The following ATG9B variants were observed in gnomAD, a reference collection of about 807,000 sequenced individuals.
ATG9B encodes the protein autophagy-related protein 9B.
In ATG9B, 92 loss-of-function variants were observed where a neutral mutation model predicts 92.9. The observed-to-expected ratio is 0.99, with a 90% CI of 0.84 to 1.18. ATG9B has a LOEUF of 1.18. Among genes scored for constraint, ATG9B ranks in the 50% most tolerant of loss-of-function variants. ATG9B has a pLI of 0.00. For missense variants in ATG9B, 1,344 were observed against 1,235.0 expected (o/e 1.09, Z -1.32); for synonymous variants, 599 against 551.4 (o/e 1.09, Z -1.21).
rs745357208 is a variant in ATG9B, at chr7:151,018,031, A to C, written c.1892T>G (p.Leu631Arg). 3 of 1,592,426 alleles carry C rather than the reference A, an allele frequency of 1.9e-6. No homozygotes were observed. Among genetic ancestry groups the C allele is most frequent in the Non-Finnish European group, 2.6e-6 (3 of 1,168,898 alleles). The change falls in exon 8 of 14, where the codon CTC becomes CGC. Residue 631 changes from leucine to arginine, a missense_variant. By Grantham distance (102) the Leu-to-Arg change is moderately radical (BLOSUM62 -2). Transcript: ENST00000639579. The surrounding 1 kb of genome is among the most constrained non-coding windows in gnomAD (Gnocchi z 4.7). ...QYRAVSLLEE[L>R]LSPLLTPLFL... The stretch of plus-strand genomic sequence containing the variant: ...CAGCGGGGTGAGGAGCGGGGACAGG[A>C]GCTCCTCCAGGAGGGAGACCTGGGG...
chr7:151,020,536 G>T (rs1056806074), intron 5 of ATG9B, among the ~76,000 whole-genome samples: 6 of 152,224 alleles, frequency 3.9e-5, no homozygotes, highest in Non-Finnish European at 7.3e-5. Flanking sequence ...GCTGTGCAGA[G>T]GGCTCCGGAC....
rs1326196167 is a variant in ATG9B at position 151,018,688 on chromosome 7, C to T, written c.1650G>A (p.Glu550=). 6 of 1,605,576 alleles carry T rather than the reference C, an allele frequency of 3.7e-6. No individual in the cohort carries two copies. Among genetic ancestry groups the T allele is most frequent in the Admixed American group, 1.7e-5 (1 of 59,572 alleles). The change falls in exon 6 of 14, where the codon GAG becomes GAA. Residue 550 remains glutamate (E), a synonymous_variant. Coordinates refer to ENST00000639579, the MANE Select transcript of ATG9B (RefSeq NM_001317056.2). The surrounding 1 kb of genome is among the most constrained non-coding windows in gnomAD (Gnocchi z 4.7). Reference sequence around the variant, plus strand: ...GCACGTGCTCCACGGCTAGCACGTCCTCGTCGTAGACGGTGAGCACAAGCA... The same window carrying T: ...GCACGTGCTCCACGGCTAGCACGTCTTCGTCGTAGACGGTGAGCACAAGCA... The part of the protein sequence containing the change: ...AALLVLTVYD[E]DVLAVEHVLT...
At chr7:151,012,218 GT>G (rs978902057), downstream of ATG9B, 3 of 522,028 alleles carry the variant, frequency 5.7e-6, no homozygotes, top group Non-Finnish European at 9.2e-6. Flanking sequence ...GTTGTTTTTT[GT>G]TTTTTGTTTT....
intron 8 of ATG9B, 125 bp downstream of exon 8, chr7:151,017,746 G>C (rs999240734): frequency 2.1e-5 from 25 of 1,202,036 alleles, no homozygotes; most frequent in Non-Finnish European, 2.8e-5. Context: ...CACAGGAAGG[G>C]AAGTGACCCG....
intron 2 of ATG9B, 74 bp downstream of exon 2, chr7:151,023,613 C>G: frequency 6.2e-7 from 1 of 1,610,028 alleles, no homozygotes; most frequent in Non-Finnish European, 8.5e-7. Context: ...CTCACGGAGT[C>G]TCCCTGCCAA....
intron 8 of ATG9B, 122 bp downstream of exon 8, chr7:151,017,749 G>A: frequency 8.1e-7 from 1 of 1,232,006 alleles, no homozygotes; most frequent in Non-Finnish European, 1.1e-6. Context: ...AGGAAGGGAA[G>A]TGACCCGCTC....
downstream of ATG9B, chr7:151,012,668 C>A: frequency 1.7e-6 from 1 of 578,538 alleles, no homozygotes; most frequent in Non-Finnish European, 3.0e-6. Context: ...TTCCTGGTGC[C>A]TGGTACATAG....
intron 8 of ATG9B, 109 bp from the exon 9 acceptor site, chr7:151,017,381 G>A (rs1416911808): frequency 8.1e-6 from 9 of 1,106,806 alleles, no homozygotes; most frequent in South Asian, 1.5e-5. Flanking sequence ...GACCACAATG[G>A]GGACTTGTTC....
Position 151,023,203 on chromosome 7 carries a change from TTGTC to T in ATG9B, c.660-1_662del. 1 of 1,614,122 alleles carries T rather than the reference TTGTC, an allele frequency of 6.2e-7. No homozygotes were observed. The highest frequency in any genetic ancestry group is 8.5e-7 in the Non-Finnish European group (1 of 1,180,008). On this transcript the variant is annotated splice_acceptor_variant and coding_sequence_variant, in exon 4 of 14. Coordinates refer to ENST00000639579, the MANE Select transcript of ATG9B (RefSeq NM_001317056.2). LOFTEE classifies it high-confidence loss of function. ...TTGTGAAGGTGACAATGAAAATAAA[TTGTC>T]TGCCGGGAGGAAGGGGGGGTGCCGG...
intron 3 of ATG9B, 96 bp downstream of exon 3, chr7:151,023,349 G>A (rs1795823368): frequency 3.1e-6 from 5 of 1,597,186 alleles, no homozygotes; most frequent in Non-Finnish European, 4.3e-6. Flanking sequence ...GGGAAAGCAT[G>A]GGATGGAAGC....
At position 151,015,976 on chromosome 7, in the gene ATG9B, C is replaced by T. The variant is rs758167636; in HGVS notation, c.2695G>A (p.Ala899Thr). 6.4e-7 allele frequency: 1 copy of T among 1,551,662 alleles called. No homozygotes were observed. The highest frequency in any genetic ancestry group is 8.7e-7 in the Non-Finnish European group (1 of 1,146,976). The change falls in exon 13 of 14, where the codon GCC (alanine) becomes ACC (threonine). Residue 899 changes from alanine (A) to threonine (T), a missense_variant. Transcript: ENST00000639579. ...AACCCTCCGGGGAACAGATTCCGGG[C>T]CTTCTGGGTTCCCCACTGTTGTCTG... ...SPRQQWGTQK[A>T]RNLFPGGFQV...
chr7:151,020,479 C>T (rs749150260), intron 5 of ATG9B: 3 of 152,722 alleles, frequency 2.0e-5, no homozygotes, highest in African/African-American at 4.8e-5. Flanking sequence ...CCTCCCTCTC[C>T]TCTGCTCAGG....
chr7:151,016,583 G>T, intron 10 of ATG9B, 56 bp from the exon 11 acceptor site: 1 of 1,545,214 alleles, frequency 6.5e-7, no homozygotes, highest in Non-Finnish European at 8.7e-7. Context: ...CCACACCCCA[G>T]AGGACTCCCC....
At chr7:151,013,551 C>A, downstream of ATG9B, 1 of 1,054,950 alleles carries the variant, frequency 9.5e-7, no homozygotes, top group Non-Finnish European at 1.3e-6. Context: ...GGCCCGCCTC[C>A]TCCCGCCCCT....
downstream of ATG9B, chr7:151,013,003 C>A: frequency 1.8e-6 from 1 of 552,204 alleles, no homozygotes; most frequent in Non-Finnish European, 3.2e-6. Flanking sequence ...TAGCGCAGCT[C>A]CACCAGGGGC....
chr7:151,020,176 C>G (rs1795694993), intron 5 of ATG9B: 1 of 152,686 alleles, frequency 6.5e-6, no homozygotes, highest in Admixed American at 6.5e-5. Context: ...TCACCAGAAG[C>G]CTTCCCAGGA....
intron 4 of ATG9B, among the ~76,000 whole-genome samples, chr7:151,021,645 G>C (rs974483455): frequency 1.3e-5 from 2 of 150,550 alleles, no homozygotes; most frequent in East Asian, 3.9e-4. Flanking sequence ...ATGTGTGCTT[G>C]TACACTCTTT....
chr7:151,016,878 G>C (rs765595752), intron 9 of ATG9B, 57 bp from the exon 10 acceptor site: 6 of 1,559,010 alleles, frequency 3.8e-6, no homozygotes, highest in Admixed American at 1.9e-5. Flanking sequence ...GGACAGAAAC[G>C]GAGTAGGGAG....
Position 151,021,212 on chromosome 7 carries a change from G to A in ATG9B, c.939C>T (p.Tyr313=). ...LFSYWDIQVF[Y]REALHIPPEE... is the part of the protein sequence containing the mutation. ...CCGGGGGGATGTGCAGGGCCTCCCTGTAAAACACCTGGATGTCCCAGTAGC... is the reference window on the plus strand; with the variant it reads ...CCGGGGGGATGTGCAGGGCCTCCCTATAAAACACCTGGATGTCCCAGTAGC... Residue 313 remains tyrosine, a synonymous_variant, in exon 5 of 14, where the codon TAC becomes TAT. Coordinates refer to ENST00000639579, the MANE Select transcript of ATG9B (RefSeq NM_001317056.2). 6.2e-7 allele frequency: 1 copy of A among 1,613,516 alleles called. No homozygotes were observed. Among genetic ancestry groups the A allele is most frequent in the Non-Finnish European group, 8.5e-7 (1 of 1,179,914 alleles).
Sources: allele counts gnomAD v4.1 joint callset (sites outside exome capture counted in the v4.1 genomes callset), GRCh38; gene constraint gnomAD v4.1.1; non-coding constraint Gnocchi (gnomAD v3.1); transcripts MANE v1.5; gene names NCBI Gene and HGNC (gene_info 2026-07-23, HGNC 2026-07-21).